The following DLGAP1 variants were observed in gnomAD, a reference collection of about 807,000 sequenced individuals.
The protein encoded by DLGAP1 is DLG associated protein 1, also known as disks large-associated protein 1.
Under a neutral mutation model 90.8 loss-of-function variants are expected in DLGAP1, and 11 were observed. The observed-to-expected ratio is 0.12, with a 90% CI of 0.08 to 0.20. DLGAP1 has a LOEUF of 0.20. Ranked by LOEUF, DLGAP1 falls within the 10% of genes least tolerant of loss-of-function variation. The pLI is 1.00. For synonymous variants in DLGAP1, 558 were observed against 540.7 expected, an observed-to-expected ratio of 1.03 and a Z score of -0.44; for missense variants, 1,050 against 1,333.8, an observed-to-expected ratio of 0.79 and a Z score of 3.31.
chr18:4,271,439 A>T (rs961821784), intron 1 of DLGAP1, among the ~76,000 whole-genome samples: 8 of 152,216 alleles, frequency 5.3e-5, no homozygotes, highest in African/African-American at 1.9e-4. Flanking sequence ...TCCTTTGGGA[A>T]TGATTATTAT....
chr18:3,677,122 T>C (rs2060333407), intron 7 of DLGAP1, among the ~76,000 whole-genome samples: 1 of 152,196 alleles, frequency 6.6e-6, no homozygotes, highest in African/African-American at 2.4e-5. Context: ...AACATTCATG[T>C]TTATGGTCTC....
intron 1 of DLGAP1, among the ~76,000 whole-genome samples, chr18:4,257,033 G>A (rs1381912036): frequency 6.6e-6 from 1 of 152,192 alleles, no homozygotes. Context: ...TGCCCAGGAT[G>A]TGAATGTTAG....
intron 7 of DLGAP1, among the ~76,000 whole-genome samples, chr18:3,644,259 G>A (rs1338520029): frequency 6.6e-6 from 1 of 152,058 alleles, no homozygotes; most frequent in Non-Finnish European, 1.5e-5. Flanking sequence ...TTTTTGGTAT[G>A]TTTATTGACA....
At chr18:3,754,847 G>A (rs2063653175) in intron 5 of DLGAP1, among the ~76,000 whole-genome samples, 1 of 151,818 alleles carries the variant, frequency 6.6e-6, no homozygotes, top group Admixed American at 6.6e-5. Flanking sequence ...AGTGAGCAGA[G>A]ATCGTGCCAC....
intron 4 of DLGAP1, among the ~76,000 whole-genome samples, chr18:3,878,797 C>T (rs1276814437): frequency 1.3e-5 from 2 of 152,182 alleles, no homozygotes; most frequent in African/African-American, 4.8e-5. Flanking sequence ...CTGTAGACTT[C>T]CCTTTCCTCT....
intron 3 of DLGAP1, chr18:4,004,894 C>T (rs2149082560): frequency 7.0e-6 from 1 of 142,732 alleles, no homozygotes; most frequent in African/African-American, 2.6e-5. Flanking sequence ...CCATTAATTG[C>T]CTCAGAGGGA....
At chr18:3,803,957 C>CACAT in intron 5 of DLGAP1, among the ~76,000 whole-genome samples, 1 of 84,010 alleles carries the variant, frequency 1.2e-5, no homozygotes, top group South Asian at 3.7e-4. Context: ...TATGTAGGTT[C>CACAT]ATATATATAT....
At chr18:4,042,036 T>A (rs890994629) in intron 2 of DLGAP1, among the ~76,000 whole-genome samples, 6 of 152,226 alleles carry the variant, frequency 3.9e-5, no homozygotes, top group African/African-American at 1.4e-4. Context: ...GATGTTTTGA[T>A]GACATCCACG....
At chr18:3,836,491 G>A (rs1199839613) in intron 4 of DLGAP1, among the ~76,000 whole-genome samples, 2 of 152,010 alleles carry the variant, frequency 1.3e-5, no homozygotes, top group Non-Finnish European at 1.5e-5. Flanking sequence ...TTCTTCCTTT[G>A]TCAAATGTTT....
rs140526920 is a variant in DLGAP1 at position 3,733,635 on chromosome 18, T to C, written c.1351-4260A>G. Among the ~76,000 whole-genome samples the C allele has an allele frequency of 8.5e-3, 1,290 of 152,332 alleles. 22 individuals carry two copies. The highest frequency in any genetic ancestry group is 0.029 in the African/African-American group (1,203 of 41,574). On this transcript the variant is annotated intron_variant, in intron 6 of 12. Transcript: ENST00000315677. ...ATCAGGGATGTAATCCCGTTGTAAG[T>C]AGAGGAGCATCTGTAGTTCTTATGT... is the stretch of plus-strand genomic sequence containing the variant.
At chr18:3,681,671 C>T (rs1175515405) in intron 7 of DLGAP1, among the ~76,000 whole-genome samples, 1 of 152,184 alleles carries the variant, frequency 6.6e-6, no homozygotes, top group African/African-American at 2.4e-5. Flanking sequence ...GGATCTGTGT[C>T]CCCCTCCAAA....
intron 9 of DLGAP1, among the ~76,000 whole-genome samples, chr18:3,549,471 T>C (rs1318865190): frequency 6.6e-6 from 1 of 152,120 alleles, no homozygotes; most frequent in Admixed American, 6.6e-5. Context: ...TAGCTGGGAT[T>C]ACAGGCACGT....
intron 4 of DLGAP1, among the ~76,000 whole-genome samples, chr18:3,838,534 C>A (rs1306541956): frequency 1.3e-5 from 2 of 152,216 alleles, no homozygotes; most frequent in African/African-American, 2.4e-5. Context: ...GAGCAGCACT[C>A]TTTTGTGCTT....
In DLGAP1 at chr18:3,791,318, C is replaced by T. The variant is rs141115520; in HGVS notation, c.1172+22741G>A. On this transcript the variant is annotated intron_variant, in intron 5 of 12. Coordinates refer to ENST00000315677, the MANE Select transcript of DLGAP1 (RefSeq NM_004746.4). Reference sequence around the variant, plus strand: ...CGTAGCAGTACTCACTAGAAATCAGCGCAGATGGGAAGGCTGTGAAAACCA... The same window carrying T: ...CGTAGCAGTACTCACTAGAAATCAGTGCAGATGGGAAGGCTGTGAAAACCA... Among the ~76,000 whole-genome samples, 82 of 152,226 alleles carry T rather than the reference C, an allele frequency of 5.4e-4. 2 individuals are homozygous for T. The East Asian group carries it at 6.4e-3, about 12-fold the overall frequency.
chr18:4,061,429 T>G (rs2075296838), intron 2 of DLGAP1, among the ~76,000 whole-genome samples: 1 of 152,192 alleles, frequency 6.6e-6, no homozygotes, highest in Non-Finnish European at 1.5e-5. Context: ...AAAGGGGTAT[T>G]ATTCAGTTTA....
chr18:4,265,028 T>A (rs2079076062), intron 1 of DLGAP1: 1 of 152,240 alleles, frequency 6.6e-6, no homozygotes, highest in Non-Finnish European at 1.5e-5. Flanking sequence ...CCTTCCTTTC[T>A]CTGTGCATCA....
intron 1 of DLGAP1, among the ~76,000 whole-genome samples, chr18:4,373,757 C>A (rs2081963851): frequency 6.6e-6 from 1 of 152,146 alleles, no homozygotes; most frequent in Non-Finnish European, 1.5e-5. Flanking sequence ...TCATTCCCCA[C>A]TCAGCCAAAG....
At chr18:4,313,984 CG>C (rs934205731) in intron 1 of DLGAP1, among the ~76,000 whole-genome samples, 1 of 152,088 alleles carries the variant, frequency 6.6e-6, no homozygotes, top group Non-Finnish European at 1.5e-5. Flanking sequence ...AGGATAAGCA[CG>C]GGAGTTTCAG....
intron 1 of DLGAP1, among the ~76,000 whole-genome samples, chr18:4,401,450 AT>A (rs539238267): frequency 9.9e-5 from 15 of 152,086 alleles, no homozygotes; most frequent in African/African-American, 1.9e-4. Context: ...ATGAGAAAGT[AT>A]TTTTTTTCCT....
Sources: allele counts gnomAD v4.1 joint callset (sites outside exome capture counted in the v4.1 genomes callset), GRCh38; gene constraint gnomAD v4.1.1; transcripts MANE v1.5; gene names NCBI Gene and HGNC (gene_info 2026-07-23, HGNC 2026-07-21).